Variants in MYH8 observed in about 807,000 individuals in gnomAD.
MYH8 encodes the protein myosin heavy chain 8.
In MYH8, 168 loss-of-function variants were observed where a neutral mutation model predicts 233.2. That is an observed-to-expected ratio of 0.72 (90% confidence interval 0.64 to 0.82). MYH8 has a LOEUF of 0.82. Among genes scored for constraint, MYH8 ranks in the 40% least tolerant of loss-of-function variants. The pLI, the probability that MYH8 is intolerant of heterozygous loss-of-function variation, is 0.00. For missense variants in MYH8, 1,995 were observed against 2,327.8 expected, an observed-to-expected ratio of 0.86 and a Z score of 2.94; for synonymous variants, 785 against 850.6, an observed-to-expected ratio of 0.92 and a Z score of 1.34.
At chr17:10,393,271 A>G in intron 35 of MYH8, 61 bp from the exon 36 acceptor site, 2 of 1,607,060 alleles carry the variant, frequency 1.2e-6, no homozygotes, top group South Asian at 2.2e-5. Flanking sequence ...GGATTTTACA[A>G]GTGTCTTACT....
At position 10,399,613 on chromosome 17, in the gene MYH8, G is replaced by T. The variant is rs766561764; in HGVS notation, c.3792C>A (p.Thr1264=). ...TCAGCCGCTGCTGCTCCTCTTCCTTGGTCTTAAGCTCACTCACTTGATCTT... is the reference window on the plus strand; with the variant it reads ...TCAGCCGCTGCTGCTCCTCTTCCTTTGTCTTAAGCTCACTCACTTGATCTT... The part of the protein sequence containing the change: ...SLEDQVSELK[T]KEEEQQRLIN... Residue 1264 remains threonine, a synonymous_variant, in exon 28 of 40, where the codon ACC becomes ACA. Coordinates refer to ENST00000403437, the MANE Select transcript of MYH8 (RefSeq NM_002472.3). 2 of 1,614,012 alleles carry T rather than the reference G, an allele frequency of 1.2e-6. No individual in the cohort carries two copies. Among genetic ancestry groups the T allele is most frequent in the South Asian group, 2.2e-5 (2 of 91,076 alleles).
At position 10,399,660 on chromosome 17, in the gene MYH8, C is replaced by G; in HGVS notation, c.3745G>C (p.Glu1249Gln). ...TCTTCTAGAGAGCGGCACATCTTTT[C>G]AAGGTTTCCCTACAGGATATGTAGC... ...EAISKAKGNLEKMCRSLEDQV... is the reference protein window; with the variant it reads ...EAISKAKGNLQKMCRSLEDQV... The change falls in exon 28 of 40, where the codon GAA becomes CAA. Residue 1249 changes from glutamate to glutamine, a missense_variant. Coordinates refer to ENST00000403437, the MANE Select transcript of MYH8 (RefSeq NM_002472.3). 2 of 1,614,010 alleles carry G rather than the reference C, an allele frequency of 1.2e-6. No individual in the cohort carries two copies. Among genetic ancestry groups the G allele is most frequent in the Non-Finnish European group, 1.7e-6 (2 of 1,179,988 alleles).
At chr17:10,398,385 T>C in intron 30 of MYH8, 59 bp downstream of exon 30, 2 of 1,612,036 alleles carry the variant, frequency 1.2e-6, no homozygotes, top group Non-Finnish European at 1.7e-6. Flanking sequence ...TATGTTATCA[T>C]CATCATAAAT....
rs898239846 is a variant in MYH8 at position 10,415,938 on chromosome 17, C to A, written c.512-230G>T. ...TTTTGTATTTATTAATTTTTAATTGCGATGAGATACACATAACATAAAATT... is the reference window on the plus strand; with the variant it reads ...TTTTGTATTTATTAATTTTTAATTGAGATGAGATACACATAACATAAAATT... On this transcript the variant is annotated intron_variant, in intron 5 of 39. Transcript: ENST00000403437. The surrounding 1 kb of genome is among the most constrained non-coding windows in gnomAD (Gnocchi z 4.1). Among the ~76,000 whole-genome samples, 1 of 152,066 alleles carries A rather than the reference C, an allele frequency of 6.6e-6. No homozygotes were observed. Among genetic ancestry groups the A allele is most frequent in the African/African-American group, 2.4e-5 (1 of 41,404 alleles).
At position 10,415,105 on chromosome 17, in the gene MYH8, C is replaced by CTGT; in HGVS notation, c.805+8_805+10dup. The CTGT allele has an allele frequency of 6.2e-7, 1 of 1,610,036 alleles. No individual in the cohort carries two copies. Among genetic ancestry groups the CTGT allele is most frequent in the South Asian group, 1.1e-5 (1 of 90,998 alleles). The stretch of plus-strand genomic sequence containing the variant: ...CTCTCTGTTTTGATTTTCAATGGTC[C>CTGT]TGTTACTCACATGTTTCTATATCAG... On this transcript the variant is annotated intron_variant, in intron 9 of 39. Coordinates refer to ENST00000403437, the MANE Select transcript of MYH8 (RefSeq NM_002472.3). The surrounding 1 kb of genome is among the most constrained non-coding windows in gnomAD (Gnocchi z 4.1).
intron 30 of MYH8, among the ~76,000 whole-genome samples, chr17:10,397,660 TTA>T (rs1332035143): frequency 6.6e-6 from 1 of 152,220 alleles, no homozygotes; most frequent in Non-Finnish European, 1.5e-5. Flanking sequence ...GTTGTTTGAC[TTA>T]TATATCCATT....
Position 10,395,427 on chromosome 17 carries a change from AT to A in MYH8, c.4667del (p.His1556LeufsTer13). ...ALEEAEASLE[H>X]EEGKILRIQL... is the part of the protein sequence containing the mutation. Reference sequence around the variant, plus strand: ...GGATACGCAGAATCTTTCCTTCTTCATGTTCAAGAGATGCCTTAACAAAACA... The same window carrying A: ...GGATACGCAGAATCTTTCCTTCTTCAGTTCAAGAGATGCCTTAACAAAACA... On this transcript the variant is annotated frameshift_variant, in exon 34 of 40. Coordinates refer to ENST00000403437, the MANE Select transcript of MYH8 (RefSeq NM_002472.3). LOFTEE classifies it high-confidence loss of function. 6.2e-7 allele frequency: 1 copy of A among 1,614,084 alleles called. No homozygotes were observed. The highest frequency in any genetic ancestry group is 8.5e-7 in the Non-Finnish European group (1 of 1,180,010).
chr17:10,406,608 A>T lies in MYH8; in HGVS notation c.2171+82T>A, dbSNP rs148245264. ...TAACCTGTTGTATTATCCTACCACC[A>T]CAAGACTATATTATTCGACTTCTTA... is the stretch of plus-strand genomic sequence containing the variant. On this transcript the variant is annotated intron_variant, in intron 19 of 39. Coordinates refer to ENST00000403437, the MANE Select transcript of MYH8 (RefSeq NM_002472.3). 35,814 of 1,394,796 alleles carry T rather than the reference A, an allele frequency of 0.026. 554 individuals are homozygous for T. The highest frequency in any genetic ancestry group is 0.031 in the Non-Finnish European group (30,162 of 983,064). 86.4% of individuals were successfully genotyped at this position (1,394,796 alleles called of 1,614,324 possible). A position where few individuals can be genotyped will look rare whatever the true frequency, so the allele number is the denominator to read the frequency against.
At chr17:10,421,126 A>G (rs138133366) in intron 2 of MYH8, among the ~76,000 whole-genome samples, 78 of 152,346 alleles carry the variant, frequency 5.1e-4, no homozygotes, top group African/African-American at 1.7e-3. Context: ...TTTATTTTCA[A>G]TTAGAAAGTT....
At chr17:10,416,337 G>A (rs1278112354) in intron 5 of MYH8, among the ~76,000 whole-genome samples, 2 of 152,068 alleles carry the variant, frequency 1.3e-5, no homozygotes, top group East Asian at 3.8e-4. Flanking sequence ...ACCACATTTT[G>A]CTTATCCATT....
rs553266041 is a variant in MYH8 at position 10,410,446 on chromosome 17, G to A, written c.1587+331C>T. On this transcript the variant is annotated intron_variant, in intron 15 of 39. Transcript: ENST00000403437. Reference sequence around the variant, plus strand: ...TTTTATATAGAAAAATATTTTTATTGTGGACATCATGGATCATAATGGAGA... The same window carrying A: ...TTTTATATAGAAAAATATTTTTATTATGGACATCATGGATCATAATGGAGA... 3.3e-4 allele frequency among the ~76,000 whole-genome samples: 51 copies of A among 152,268 alleles called. 1 individual carries two copies. Among genetic ancestry groups the A allele is most frequent in the African/African-American group, 1.0e-3 (43 of 41,560 alleles).
In MYH8 at chr17:10,397,102, G is replaced by C. The variant is rs150079911; in HGVS notation, c.4179-116C>G. On this transcript the variant is annotated intron_variant, in intron 30 of 39. Transcript: ENST00000403437. Reference sequence around the variant, plus strand: ...TCTTTTCTTTTGTTTCTTTTTTTGAGAGACGGAGTCTCGCTCTGTCGCCCA... The same window carrying C: ...TCTTTTCTTTTGTTTCTTTTTTTGACAGACGGAGTCTCGCTCTGTCGCCCA... 2.2e-3 allele frequency: 2,759 copies of C among 1,272,394 alleles called. 14 individuals are homozygous for C. The highest frequency in any genetic ancestry group is 4.2e-3 in the Middle Eastern group (22 of 5,258). The allele number at this position is 1,272,394 out of a possible 1,614,324, so 78.8% of individuals were successfully genotyped here.
intron 14 of MYH8, among the ~76,000 whole-genome samples, chr17:10,411,362 C>T (rs1042836733): frequency 6.8e-5 from 10 of 146,028 alleles, no homozygotes; most frequent in Non-Finnish European, 1.3e-4. Flanking sequence ...GGTGGCTGGG[C>T]GAGACCCTGT....
Position 10,406,159 on chromosome 17 carries a change from G to A in MYH8, c.2314C>T (p.Leu772Phe), listed in dbSNP as rs772275170. 2.0e-5 allele frequency: 32 copies of A among 1,613,952 alleles called. No individual in the cohort carries two copies. The highest frequency in any genetic ancestry group is 2.7e-5 in the Non-Finnish European group (32 of 1,180,006). Residue 772 changes from leucine to phenylalanine, a missense_variant, in exon 21 of 40, where the codon CTT becomes TTT. Coordinates refer to ENST00000403437, the MANE Select transcript of MYH8 (RefSeq NM_002472.3). ...GHTKVFFKAG[L>F]LGLLEEMRDE... ...CTCATTTCTTCCAGAAGACCCAGAAGTCCAGCTTTGAAGAAAACCTGGAGA... is the reference window on the plus strand; with the variant it reads ...CTCATTTCTTCCAGAAGACCCAGAAATCCAGCTTTGAAGAAAACCTGGAGA...
intron 5 of MYH8, among the ~76,000 whole-genome samples, chr17:10,416,773 T>C (rs914724192): frequency 2.0e-5 from 3 of 152,206 alleles, no homozygotes; most frequent in African/African-American, 7.2e-5. Context: ...CAATGGTTAT[T>C]AATATTTGGC....
chr17:10,394,373 G>A lies in MYH8; in HGVS notation c.5042C>T (p.Ala1681Val). 2 of 1,614,054 alleles carry A rather than the reference G, an allele frequency of 1.2e-6. No individual in the cohort carries two copies. The highest frequency in any genetic ancestry group is 1.7e-6 in the Non-Finnish European group (2 of 1,180,006). The change falls in exon 35 of 40, where the codon GCC becomes GTC. Residue 1681 changes from alanine to valine, a missense_variant. By Grantham distance (64) the Ala-to-Val change is moderately conservative. Around this residue, in one of 3 missense-constraint regions of MYH8, gnomAD observed 1,498 missense variants for 1,680.9 expected, o/e 0.89. Coordinates refer to ENST00000403437, the MANE Select transcript of MYH8 (RefSeq NM_002472.3). ...CTCGATCTCAGCCTGCAGCAGGTTGGCTCTGCGCTCCACAATTGCCAGCTG... is the reference window on the plus strand; with the variant it reads ...CTCGATCTCAGCCTGCAGCAGGTTGACTCTGCGCTCCACAATTGCCAGCTG... ...KEQLAIVERR[A>V]NLLQAEIEEL... is the part of the protein sequence containing the mutation.
chr17:10,414,116 G>C, intron 11 of MYH8, 76 bp from the exon 12 acceptor site: 1 of 1,609,188 alleles, frequency 6.2e-7, no homozygotes, highest in Non-Finnish European at 8.5e-7. Flanking sequence ...ATATCCTAAG[G>C]TAACCACACC....
Position 10,390,344 on chromosome 17 carries a change from GT to G in MYH8, c.*109del, listed in dbSNP as rs2072008864. The G allele has an allele frequency of 7.0e-7, 1 of 1,428,688 alleles. No homozygotes were observed. Among genetic ancestry groups the G allele is most frequent in the South Asian group, 1.2e-5 (1 of 86,426 alleles). 88.5% of individuals were successfully genotyped at this position (1,428,688 alleles called of 1,614,324 possible). On this transcript the variant is annotated 3_prime_UTR_variant, in exon 40 of 40. Transcript: ENST00000403437. The stretch of plus-strand genomic sequence containing the variant: ...CGGTTTAATGTATACATTTACTGTA[GT>G]TTTTATTTATTCAGCTTTAACAGGA...
rs911757463 is a variant in MYH8 at position 10,419,724 on chromosome 17, G to A, written c.210+294C>T. Among the ~76,000 whole-genome samples the A allele has an allele frequency of 3.3e-5, 5 of 152,248 alleles. No homozygotes were observed. The East Asian group carries it at 7.7e-4, about 24-fold the overall frequency. On this transcript the variant is annotated intron_variant, in intron 3 of 39. Transcript: ENST00000403437. The surrounding 1 kb of genome is among the most constrained non-coding windows in gnomAD (Gnocchi z 4.0). ...TTAACTAAGTAAATATTTAACTTCT[G>A]ATAGGAGGAGCTTGTTTTCATTTCC...
Sources: gnomAD v4.1 joint callset for allele counts (sites outside exome capture counted in the v4.1 genomes callset) on GRCh38, gnomAD v4.1.1 for gene constraint, gnomAD v4.1.1 regional missense constraint, Gnocchi (gnomAD v3.1) non-coding constraint, MANE v1.5 for transcripts, NCBI Gene and HGNC (gene_info 2026-07-23, HGNC 2026-07-21) for gene names.